The following BBX variants were observed in gnomAD, a reference collection of about 807,000 sequenced individuals.
The protein encoded by BBX is BBX high mobility group box domain containing, also known as HMG box transcription factor BBX.
A neutral mutation model predicts 100.2 loss-of-function variants in BBX; 30 were observed. That is an observed-to-expected ratio of 0.30 (90% CI 0.22 to 0.41). The LOEUF (loss-of-function observed/expected upper bound fraction) is 0.41. Among genes scored for constraint, BBX ranks in the 10% least tolerant of loss-of-function variants. BBX has a pLI of 1.00. For synonymous variants in BBX, 376 were observed against 388.1 expected (o/e 0.97, Z 0.37); for missense variants, 1,023 against 1,129.8 (o/e 0.91, Z 1.35).
intron 13 of BBX, among the ~76,000 whole-genome samples, chr3:107,786,286 G>A (rs1217125847): frequency 3.3e-5 from 5 of 152,080 alleles, no homozygotes; most frequent in Admixed American, 2.6e-4. Flanking sequence ...TAGAATCCCA[G>A]CTGACTTCTT....
At chr3:107,764,576 A>G (rs144864217) in intron 10 of BBX, among the ~76,000 whole-genome samples, 1 of 152,334 alleles carries the variant, frequency 6.6e-6, no homozygotes, top group East Asian at 1.9e-4. Context: ...TTAAAACATT[A>G]ACATTTTAAC....
chr3:107,530,617 G>A (rs180871627), intron 2 of BBX, among the ~76,000 whole-genome samples: 2 of 152,208 alleles, frequency 1.3e-5, no homozygotes, highest in African/African-American at 4.8e-5. Context: ...TGCATTTTTT[G>A]TAATAGGAAT....
At chr3:107,666,890 T>C (rs372541668) in intron 3 of BBX, among the ~76,000 whole-genome samples, 184 of 152,266 alleles carry the variant, frequency 1.2e-3, no homozygotes, top group African/African-American at 4.0e-3. Flanking sequence ...AATTATTTAT[T>C]ATTGAAAGCC....
chr3:107,604,091 C>T (rs1337265421), intron 2 of BBX, among the ~76,000 whole-genome samples: 2 of 152,056 alleles, frequency 1.3e-5, no homozygotes, highest in African/African-American at 4.8e-5. Flanking sequence ...TTTAATTCCT[C>T]CCATTGCCCG....
At chr3:107,526,687 G>A (rs1427376197) in intron 2 of BBX, 3 of 214,288 alleles carry the variant, frequency 1.4e-5, no homozygotes, top group Non-Finnish European at 2.7e-5. Context: ...ATTTTACATG[G>A]CATTGAAGGT....
chr3:107,539,145 A>G (rs539746447), intron 2 of BBX, among the ~76,000 whole-genome samples: 45 of 152,252 alleles, frequency 3.0e-4, no homozygotes, highest in African/African-American at 1.0e-3. Flanking sequence ...GTCCTTTATC[A>G]TAACTATTTG....
intron 2 of BBX, among the ~76,000 whole-genome samples, chr3:107,558,032 T>A (rs2050206285): frequency 6.6e-6 from 1 of 152,158 alleles, no homozygotes; most frequent in African/African-American, 2.4e-5. Context: ...AGTCTGTGGT[T>A]TAATAAGTCT....
intron 2 of BBX, among the ~76,000 whole-genome samples, chr3:107,605,118 A>G (rs535200559): frequency 6.6e-5 from 10 of 152,140 alleles, no homozygotes; most frequent in African/African-American, 9.7e-5. Flanking sequence ...TTGGCATAAC[A>G]CCTTTATTTT....
intron 3 of BBX, among the ~76,000 whole-genome samples, chr3:107,670,634 G>T (rs1448556715): frequency 6.6e-6 from 1 of 152,004 alleles, no homozygotes; most frequent in African/African-American, 2.4e-5. Flanking sequence ...AAGAGTTTAG[G>T]TTACTTTATT....
intron 2 of BBX, among the ~76,000 whole-genome samples, chr3:107,607,994 C>T (rs1223339350): frequency 1.3e-5 from 2 of 152,056 alleles, no homozygotes; most frequent in African/African-American, 2.4e-5. Flanking sequence ...CAAATATTTT[C>T]TCTCATTCTG....
At chr3:107,696,223 A>G (rs1027776703) in intron 3 of BBX, among the ~76,000 whole-genome samples, 2 of 151,782 alleles carry the variant, frequency 1.3e-5, no homozygotes, top group African/African-American at 4.9e-5. Context: ...TTATGTGTGA[A>G]TTTGATCCTG....
intron 2 of BBX, among the ~76,000 whole-genome samples, chr3:107,531,237 T>TC (rs2107306475): frequency 6.6e-6 from 1 of 152,272 alleles, no homozygotes; most frequent in Admixed American, 6.5e-5. Flanking sequence ...CTGAGGAAGG[T>TC]CCTCATCACC....
At chr3:107,721,186 C>T (rs1239113415) in intron 5 of BBX, among the ~76,000 whole-genome samples, 1 of 152,020 alleles carries the variant, frequency 6.6e-6, no homozygotes, top group African/African-American at 2.4e-5. Context: ...TTTCTCAAAG[C>T]ATTCAGAACA....
intron 13 of BBX, among the ~76,000 whole-genome samples, chr3:107,779,918 A>G (rs1010327805): frequency 6.6e-6 from 1 of 152,118 alleles, no homozygotes; most frequent in Non-Finnish European, 1.5e-5. Context: ...ACGTCATTTT[A>G]GAATTAGCTC....
In BBX at chr3:107,714,873, C is replaced by T. The variant is rs140013211; in HGVS notation, c.163-1734C>T. Reference sequence around the variant, plus strand: ...TGATCTTGGCTTACTGCAACCTCCGCCTCCTGGGTTCAAGCAATTCTCCTG... The same window carrying T: ...TGATCTTGGCTTACTGCAACCTCCGTCTCCTGGGTTCAAGCAATTCTCCTG... On this transcript the variant is annotated intron_variant, in intron 4 of 17. Coordinates refer to ENST00000325805, the MANE Select transcript of BBX (RefSeq NM_001142568.3). Among the ~76,000 whole-genome samples the T allele has an allele frequency of 5.4e-3, 816 of 152,126 alleles. 11 individuals are homozygous for T. Among genetic ancestry groups the T allele is most frequent in the African/African-American group, 0.017 (698 of 41,480 alleles).
At chr3:107,748,758 CT>C (rs1018687068) in intron 9 of BBX, among the ~76,000 whole-genome samples, 3 of 152,096 alleles carry the variant, frequency 2.0e-5, no homozygotes, top group African/African-American at 7.2e-5. Flanking sequence ...TGCTTTAGGT[CT>C]TTTCTTTTTT....
At chr3:107,588,246 AGATGATG>A (rs2053015106) in intron 2 of BBX, among the ~76,000 whole-genome samples, 1 of 151,934 alleles carries the variant, frequency 6.6e-6, no homozygotes, top group Non-Finnish European at 1.5e-5. Context: ...GCCAGGTCTT[AGATGATG>A]GTTAGGCCTT....
chr3:107,711,216 A>C (rs950303597), intron 4 of BBX: 1 of 419,496 alleles, frequency 2.4e-6, no homozygotes, highest in Non-Finnish European at 4.9e-6. Flanking sequence ...TCTTCATGGC[A>C]CTTATTGCTA....
At chr3:107,593,856 T>G (rs2053502324) in intron 2 of BBX, among the ~76,000 whole-genome samples, 1 of 152,160 alleles carries the variant, frequency 6.6e-6, no homozygotes, top group Non-Finnish European at 1.5e-5. Context: ...ATAATGTGGA[T>G]TAAAAGCCCA....
Sources: gnomAD v4.1 joint callset for allele counts (sites outside exome capture counted in the v4.1 genomes callset) on GRCh38, gnomAD v4.1.1 for gene constraint, MANE v1.5 for transcripts, NCBI Gene and HGNC (gene_info 2026-07-23, HGNC 2026-07-21) for gene names.